Variants in EMID1 observed in about 807,000 individuals in gnomAD.
The protein encoded by EMID1 is EMI domain containing 1, also known as EMI domain-containing protein 1.
EMID1 carries 40 observed loss-of-function variants against 60.6 expected under a neutral mutation model. That is an observed-to-expected ratio of 0.66 (90% confidence interval 0.51 to 0.86). The LOEUF (loss-of-function observed/expected upper bound fraction) is 0.86. Among genes scored for constraint, EMID1 ranks in the 40% least tolerant of loss-of-function variants. EMID1 has a pLI of 0.00. For synonymous variants in EMID1, 242 were observed against 231.0 expected (o/e 1.05, Z -0.43); for missense variants, 585 against 597.1 (o/e 0.98, Z 0.21).
chr22:29,255,815 C>T (rs1251673170), intron 14 of EMID1, among the ~76,000 whole-genome samples: 2 of 152,140 alleles, frequency 1.3e-5, no homozygotes, highest in Non-Finnish European at 2.9e-5. Flanking sequence ...GGGCAAGGAT[C>T]TGGGGAGAGT....
chr22:29,229,372 G>A (rs1337799747), intron 5 of EMID1, among the ~76,000 whole-genome samples: 2 of 152,064 alleles, frequency 1.3e-5, no homozygotes, highest in Non-Finnish European at 2.9e-5. Flanking sequence ...CGCTGGGCGC[G>A]GTGGCTCATG....
At chr22:29,226,410 C>T in intron 4 of EMID1, 80 bp from the exon 5 acceptor site, 1 of 1,500,364 alleles carries the variant, frequency 6.7e-7, no homozygotes, top group Admixed American at 2.2e-5. Context: ...TTTCCTCCAT[C>T]CCAACCCCCA....
chr22:29,218,045 C>G (rs989650652), intron 3 of EMID1, among the ~76,000 whole-genome samples: 1 of 152,002 alleles, frequency 6.6e-6, no homozygotes, highest in African/African-American at 2.4e-5. Flanking sequence ...TGACTTGGGG[C>G]AAGTCACTTC....
At chr22:29,210,138 G>A (rs1425684634) in intron 1 of EMID1, among the ~76,000 whole-genome samples, 1 of 152,064 alleles carries the variant, frequency 6.6e-6, no homozygotes, top group Non-Finnish European at 1.5e-5. Context: ...TGGCATGAGT[G>A]TCCTCTCCTG....
Position 29,233,434 on chromosome 22 carries a change from ACCCACT to A in EMID1, c.880_885del (p.Pro294_Thr295del). 1 of 1,614,078 alleles carries A rather than the reference ACCCACT, an allele frequency of 6.2e-7. No individual in the cohort carries two copies. The highest frequency in any genetic ancestry group is 8.5e-7 in the Non-Finnish European group (1 of 1,179,960). On this transcript the variant is annotated inframe_deletion, in exon 9 of 15. Coordinates refer to ENST00000334018, the MANE Select transcript of EMID1 (RefSeq NM_133455.4). ...AGACCAACAACCACTGGCCCCAGGG[ACCCACT>A]GGGCCTCCAGGCCCTCCAGGGCCCA... is the stretch of plus-strand genomic sequence containing the variant.
intron 1 of EMID1, among the ~76,000 whole-genome samples, chr22:29,210,860 G>T (rs1411318185): frequency 6.6e-6 from 1 of 152,032 alleles, no homozygotes; most frequent in Admixed American, 6.6e-5. Flanking sequence ...TGTGTGTGAG[G>T]GCAGATGGCT....
In EMID1 at chr22:29,254,191, T is replaced by C; in HGVS notation, c.1120-12T>C. 6.2e-7 allele frequency: 1 copy of C among 1,613,882 alleles called. No individual in the cohort carries two copies. Among genetic ancestry groups the C allele is most frequent in the Non-Finnish European group, 8.5e-7 (1 of 1,179,812 alleles). ...CCCCCTTCACGGCTGCATCTGTCTC[T>C]TTCCTCCACAGGGGGAGGGGTTGCA... On this transcript the variant is annotated splice_polypyrimidine_tract_variant and intron_variant, in intron 13 of 14. Coordinates refer to ENST00000334018, the MANE Select transcript of EMID1 (RefSeq NM_133455.4).
At chr22:29,206,659 A>G (rs141039121) in intron 1 of EMID1, among the ~76,000 whole-genome samples, 3 of 152,274 alleles carry the variant, frequency 2.0e-5, no homozygotes, top group African/African-American at 7.2e-5. Context: ...TTTTGGACAG[A>G]GAAAAGAGGG....
rs185227773 is a variant in EMID1, at chr22:29,215,215, C to G, written c.215+176C>G. On this transcript the variant is annotated intron_variant, in intron 2 of 14. Transcript: ENST00000334018. ...CCTATCCCCTGTGCTGTTGAAGCAC[C>G]CTGGAGGGCTTCCTGAGGGATGGAT... 36 of 985,396 alleles carry G rather than the reference C, an allele frequency of 3.7e-5. No individual in the cohort carries two copies. In the South Asian group the frequency reaches 1.3e-3, roughly 35 times the overall value. The allele number at this position is 985,396 out of a possible 1,614,324, so 61.0% of individuals were successfully genotyped here. A position where few individuals can be genotyped will look rare whatever the true frequency, so the allele number is the denominator to read the frequency against.
intron 13 of EMID1, among the ~76,000 whole-genome samples, chr22:29,243,818 A>C (rs1183694794): frequency 6.6e-6 from 1 of 152,158 alleles, no homozygotes; most frequent in Non-Finnish European, 1.5e-5. Flanking sequence ...CCCAGGCCAG[A>C]CTGCATCCCC....
chr22:29,219,797 A>T (rs1317857426), intron 3 of EMID1, among the ~76,000 whole-genome samples: 1 of 152,094 alleles, frequency 6.6e-6, no homozygotes, highest in Non-Finnish European at 1.5e-5. Flanking sequence ...ATAAAATTTT[A>T]AAATAGCCTA....
chr22:29,239,790 C>T (rs1234876920), intron 12 of EMID1, among the ~76,000 whole-genome samples: 2 of 148,904 alleles, frequency 1.3e-5, no homozygotes, highest in Non-Finnish European at 3.0e-5. Context: ...CAGAGTCTCA[C>T]TCTGTCTCCC....
At position 29,258,835 on chromosome 22, in the gene EMID1, G is replaced by C; in HGVS notation, c.1223G>C (p.Gly408Ala). The C allele has an allele frequency of 1.2e-6, 2 of 1,613,160 alleles. No individual in the cohort carries two copies. The highest frequency in any genetic ancestry group is 2.2e-5 in the South Asian group (2 of 91,060). ...CCGGCAGAACCAGAGCTGGGGTCTG[G>C]GGCGGGCCCTGCCGGCACAGGCACC... Reference protein sequence around the residue: ...IGLYEPELGSGAGPAGTGTPS... With the variant: ...IGLYEPELGSAAGPAGTGTPS... The change falls in exon 15 of 15, where the codon GGG becomes GCG. Residue 408 changes from glycine (G) to alanine (A), a missense_variant. Transcript: ENST00000334018.
intron 14 of EMID1, among the ~76,000 whole-genome samples, chr22:29,256,965 G>A (rs2041728706): frequency 6.6e-6 from 1 of 152,136 alleles, no homozygotes; most frequent in South Asian, 2.1e-4. Context: ...TTACAGAGAG[G>A]GGCCAAGGAC....
Position 29,259,021 on chromosome 22 carries a change from C to T in EMID1, c.*77C>T, listed in dbSNP as rs543063099. 11 of 1,538,886 alleles carry T rather than the reference C, an allele frequency of 7.1e-6. No homozygotes were observed. The highest frequency in any genetic ancestry group is 3.6e-5 in the South Asian group (3 of 83,362). On this transcript the variant is annotated 3_prime_UTR_variant, in exon 15 of 15. Transcript: ENST00000334018. ...GACTCGGCCAGCTGCCTCCAGGGACCGCCCGTCCATATTTATTAATGTCCT... is the reference window on the plus strand; with the variant it reads ...GACTCGGCCAGCTGCCTCCAGGGACTGCCCGTCCATATTTATTAATGTCCT...
Position 29,254,250 on chromosome 22 carries a change from G to A in EMID1, c.1167G>A (p.Glu389=). ...GCGAGGCTTTGAAGATTTTAGCTGAGAGGGTTTTAATCTTGGAAACAATGA... is the reference window on the plus strand; with the variant it reads ...GCGAGGCTTTGAAGATTTTAGCTGAAAGGGTTTTAATCTTGGAAACAATGA... ...QLREALKILA[E]RVLILETMIG... Residue 389 remains glutamate (E), a synonymous_variant, in exon 14 of 15, where the codon GAG becomes GAA. Transcript: ENST00000334018. 6.2e-7 allele frequency: 1 copy of A among 1,614,218 alleles called. No homozygotes were observed. The highest frequency in any genetic ancestry group is 1.1e-5 in the South Asian group (1 of 91,088).
At chr22:29,227,704 CAAA>C (rs560219761) in intron 5 of EMID1, among the ~76,000 whole-genome samples, 19,500 of 88,010 alleles carry the variant, frequency 0.22, 933 homozygotes, top group Middle Eastern at 0.42. Context: ...GACTCTGTCT[CAAA>C]AAAAAAAAAA....
chr22:29,244,303 C>T (rs967154025), intron 13 of EMID1, among the ~76,000 whole-genome samples: 8 of 152,068 alleles, frequency 5.3e-5, no homozygotes, highest in Admixed American at 2.0e-4. Flanking sequence ...GAAACCTTCA[C>T]AATCGTCCGG....
intron 12 of EMID1, among the ~76,000 whole-genome samples, chr22:29,241,912 C>T (rs2041167416): frequency 1.3e-5 from 2 of 151,580 alleles, no homozygotes; most frequent in Admixed American, 6.6e-5. Context: ...CTTTATATTT[C>T]TTTATTTTAC....
Sources: allele counts gnomAD v4.1 joint callset (sites outside exome capture counted in the v4.1 genomes callset), GRCh38; gene constraint gnomAD v4.1.1; transcripts MANE v1.5; gene names NCBI Gene and HGNC (gene_info 2026-07-23, HGNC 2026-07-21).